ARK2N: variants seen among roughly 807,000 people sequenced by gnomAD.
ARK2N encodes the protein arkadia (RNF111) N-terminal like PKA signaling regulator 2N.
chr18:46,191,441 C>T, the ARK2N span, among the ~76,000 whole-genome samples: 1 of 151,854 alleles, frequency 6.6e-6, no homozygotes, highest in Non-Finnish European at 1.5e-5. Context: ...CTCAACCTCC[C>T]AAGGTGCTGG....
At chr18:46,258,348 T>C in the ARK2N span, among the ~76,000 whole-genome samples, 3 of 152,210 alleles carry the variant, frequency 2.0e-5, no homozygotes, top group Admixed American at 2.0e-4. Flanking sequence ...AGAGGTCACC[T>C]TCAGGCTGTC....
chr18:46,259,772 CTGTGTGTGTGTGTGTGTGTGTG>C, the ARK2N span, among the ~76,000 whole-genome samples: 4 of 104,858 alleles, frequency 3.8e-5, no homozygotes, highest in South Asian at 7.4e-4. Flanking sequence ...CACCCAGCTA[CTGTGTGTGTGTGTGTGTGTGTG>C]TGTGTGTGTG....
the ARK2N span, among the ~76,000 whole-genome samples, chr18:46,255,257 A>G: frequency 2.0e-5 from 3 of 152,168 alleles, no homozygotes; most frequent in Admixed American, 2.0e-4. Flanking sequence ...GTTAATTTGT[A>G]GTTTAACATG....
the ARK2N span, among the ~76,000 whole-genome samples, chr18:46,188,305 A>AT: frequency 6.6e-6 from 1 of 152,024 alleles, no homozygotes; most frequent in Non-Finnish European, 1.5e-5. Flanking sequence ...GGTTCAAGTG[A>AT]TTCTCCTGTC....
At chr18:46,249,880 G>C in the ARK2N span, among the ~76,000 whole-genome samples, 6 of 152,030 alleles carry the variant, frequency 3.9e-5, no homozygotes, top group Admixed American at 3.3e-4. Flanking sequence ...GGAGTGCAGT[G>C]GTGCAATCAT....
chr18:46,179,970 G>A, the ARK2N span, among the ~76,000 whole-genome samples: 1 of 152,164 alleles, frequency 6.6e-6, no homozygotes, highest in Non-Finnish European at 1.5e-5. Flanking sequence ...AGGAAACTAT[G>A]TGATCTATGT....
chr18:46,197,514 G>A, the ARK2N span, among the ~76,000 whole-genome samples: 9 of 152,206 alleles, frequency 5.9e-5, no homozygotes, highest in African/African-American at 1.4e-4. Context: ...GATTACAGGC[G>A]TGAGCCACCA....
the ARK2N span, chr18:46,217,977 T>G: frequency 6.6e-6 from 1 of 152,194 alleles, no homozygotes. Context: ...TGTAAAATTG[T>G]GCATTCCTAT....
chr18:46,243,984 A>C, the ARK2N span, among the ~76,000 whole-genome samples: 1 of 152,204 alleles, frequency 6.6e-6, no homozygotes, highest in Admixed American at 6.5e-5. Flanking sequence ...CTTGCACTGC[A>C]ACGAGTTGCT....
the ARK2N span, among the ~76,000 whole-genome samples, chr18:46,185,213 T>C: frequency 6.6e-6 from 1 of 152,238 alleles, no homozygotes; most frequent in Non-Finnish European, 1.5e-5. Context: ...GAACTGATAC[T>C]GAACATGATC....
the ARK2N span, among the ~76,000 whole-genome samples, chr18:46,224,913 C>G: frequency 6.6e-6 from 1 of 152,154 alleles, no homozygotes; most frequent in Non-Finnish European, 1.5e-5. Context: ...ATGAAATGGC[C>G]TCAGTGTCTT....
chr18:46,238,900 G>T, the ARK2N span, among the ~76,000 whole-genome samples: 3 of 152,086 alleles, frequency 2.0e-5, no homozygotes, highest in African/African-American at 7.2e-5. Context: ...CATAAAATAG[G>T]TGTGTTTAAT....
chr18:46,196,233 G>A, the ARK2N span, among the ~76,000 whole-genome samples: 60 of 151,894 alleles, frequency 4.0e-4, no homozygotes, highest in East Asian at 0.011. Context: ...ACCCGCCTCG[G>A]CCTCCCAAAG....
chr18:46,242,377 G>A, the ARK2N span, among the ~76,000 whole-genome samples: 1 of 152,092 alleles, frequency 6.6e-6, no homozygotes, highest in Non-Finnish European at 1.5e-5. Context: ...TGACTTGACC[G>A]AATAATGCAA....
At chr18:46,238,187 TA>T in the ARK2N span, among the ~76,000 whole-genome samples, 11 of 152,104 alleles carry the variant, frequency 7.2e-5, no homozygotes, top group African/African-American at 2.2e-4. Flanking sequence ...AATTTGGGGG[TA>T]GGGGTGGAGA....
chr18:46,211,299 C>G, the ARK2N span, among the ~76,000 whole-genome samples: 2 of 152,234 alleles, frequency 1.3e-5, no homozygotes, highest in East Asian at 3.9e-4. Flanking sequence ...GCCCTGACCC[C>G]CTGGGCTCAA....
chr18:46,196,868 C>T, the ARK2N span, among the ~76,000 whole-genome samples: 1 of 152,134 alleles, frequency 6.6e-6, no homozygotes, highest in Admixed American at 6.6e-5. Context: ...TTAGTGGAAA[C>T]CTCAGATTCT....
chr18:46,209,968 T>G, the ARK2N span, among the ~76,000 whole-genome samples: 4 of 152,206 alleles, frequency 2.6e-5, no homozygotes, highest in African/African-American at 9.6e-5. Flanking sequence ...AAGCAATATT[T>G]AATCCCCTTT....
chr18:46,220,460 A>C, the ARK2N span, among the ~76,000 whole-genome samples: 2 of 152,224 alleles, frequency 1.3e-5, no homozygotes, highest in African/African-American at 4.8e-5. Context: ...CTTGCTTAGA[A>C]ATTTAAAAAA....
Sources: gnomAD v4.1 joint callset for allele counts (sites outside exome capture counted in the v4.1 genomes callset) on GRCh38, gnomAD v4.1.1 for gene constraint, MANE v1.5 for transcripts, NCBI Gene and HGNC (gene_info 2026-07-23, HGNC 2026-07-21) for gene names.